The following ILKAP variants were observed in gnomAD, a reference collection of about 807,000 sequenced individuals.
ILKAP encodes ILK associated serine/threonine phosphatase.
In ILKAP, 11 loss-of-function variants were observed where a neutral mutation model predicts 49.1. The observed-to-expected ratio is 0.22, with a 90% CI of 0.14 to 0.37. The LOEUF is 0.37. Among genes scored for constraint, ILKAP ranks in the 10% least tolerant of loss-of-function variants. The probability of loss-of-function intolerance (pLI) is 1.00; values close to 1 mark genes in which losing one functional copy is unlikely to be tolerated. For missense variants in ILKAP, 363 were observed against 510.8 expected (o/e 0.71, Z 2.79); for synonymous variants, 186 against 192.8 (o/e 0.96, Z 0.29).
chr2:238,174,600 A>C (rs1693366884), intron 9 of ILKAP, among the ~76,000 whole-genome samples: 1 of 152,176 alleles, frequency 6.6e-6, no homozygotes, highest in Admixed American at 6.5e-5. Flanking sequence ...CTGCTGTCCT[A>C]AAGGCAGAAT....
intron 1 of ILKAP, among the ~76,000 whole-genome samples, chr2:238,201,180 TG>T (rs1048032258): frequency 3.5e-4 from 21 of 60,784 alleles, no homozygotes; most frequent in African/African-American, 9.3e-4. Flanking sequence ...ATTCAAAGTA[TG>T]TTTTTTTTTT....
chr2:238,180,836 AAGG>A (rs1215015180), intron 9 of ILKAP, among the ~76,000 whole-genome samples: 1 of 152,228 alleles, frequency 6.6e-6, no homozygotes, highest in Admixed American at 6.5e-5. Context: ...AATTATTTTC[AAGG>A]AGTTCAGGCA....
At chr2:238,174,585 C>T (rs919815307) in intron 9 of ILKAP, among the ~76,000 whole-genome samples, 5 of 152,202 alleles carry the variant, frequency 3.3e-5, no homozygotes, top group African/African-American at 1.2e-4. Context: ...GAAATGCTTC[C>T]TGGGCTGCTG....
chr2:238,198,353 G>A (rs1027176488), intron 1 of ILKAP, among the ~76,000 whole-genome samples: 6 of 151,700 alleles, frequency 4.0e-5, no homozygotes, highest in East Asian at 3.9e-4. Flanking sequence ...ATCCTCCCTC[G>A]TCAGATTCCC....
At chr2:238,189,715 T>G in intron 4 of ILKAP, 138 bp downstream of exon 4, 1 of 693,996 alleles carries the variant, frequency 1.4e-6, no homozygotes, top group Non-Finnish European at 2.3e-6. Context: ...TGGAAATTCA[T>G]TTGCAAAAAG....
chr2:238,170,645 G>C lies in ILKAP; in HGVS notation c.1070C>G (p.Ser357Cys). 1 of 1,600,500 alleles carries C rather than the reference G, an allele frequency of 6.2e-7. No homozygotes were observed. Among genetic ancestry groups the C allele is most frequent in the African/African-American group, 1.3e-5 (1 of 74,804 alleles). ...TGCTTCGTAGCGGGCGTCGGCTGCG[G>C]ACTTCCCTTCCCGGGTCTGGATCTT... ...DEKIQTREGK[S>C]AADARYEAAC... Residue 357 changes from serine to cysteine, a missense_variant, in exon 12 of 12, where the codon TCC (serine) becomes TGC (cysteine). Ser to Cys is a moderately radical substitution (Grantham distance 112). Coordinates refer to ENST00000254654, the MANE Select transcript of ILKAP (RefSeq NM_030768.3).
At chr2:238,191,130 T>C (rs1051960367) in intron 3 of ILKAP, among the ~76,000 whole-genome samples, 5 of 151,778 alleles carry the variant, frequency 3.3e-5, no homozygotes, top group East Asian at 1.9e-4. Flanking sequence ...AATTTTTTAA[T>C]TTTTTTGGTA....
At chr2:238,181,009 C>G (rs1235181859) in intron 9 of ILKAP, among the ~76,000 whole-genome samples, 1 of 152,176 alleles carries the variant, frequency 6.6e-6, no homozygotes, top group African/African-American at 2.4e-5. Context: ...GGCCTGAAAC[C>G]AGGCCTATAA....
intron 1 of ILKAP, among the ~76,000 whole-genome samples, chr2:238,202,417 G>A (rs764591220): frequency 6.6e-6 from 1 of 152,016 alleles, no homozygotes; most frequent in South Asian, 2.1e-4. Flanking sequence ...GTACCCTTCA[G>A]AAAGCAGCTC....
intron 4 of ILKAP, among the ~76,000 whole-genome samples, chr2:238,189,264 G>A (rs1235673391): frequency 6.6e-6 from 1 of 151,848 alleles, no homozygotes; most frequent in Non-Finnish European, 1.5e-5. Context: ...GCAGTGAGCC[G>A]AGATGGTGCC....
Position 238,182,073 on chromosome 2 carries a change from T to A in ILKAP, c.828A>T (p.Gly276=), listed in dbSNP as rs1158003671. 1.2e-6 allele frequency: 2 copies of A among 1,613,412 alleles called. No individual in the cohort carries two copies. The highest frequency in any genetic ancestry group is 1.7e-6 in the Non-Finnish European group (2 of 1,179,556). ...EERMRIQKAG[G]NVRDGRVLGV... is the part of the protein sequence containing the mutation. ...CTCAGTCCCTTGGTTACCTGACGTT[T>A]CCTCCAGCCTTCTGTATCCTCATCC... The change falls in exon 9 of 12, where the codon GGA becomes GGT. Residue 276 remains glycine, a synonymous_variant. Transcript: ENST00000254654.
intron 9 of ILKAP, among the ~76,000 whole-genome samples, chr2:238,178,507 C>A (rs775146138): frequency 8.5e-5 from 13 of 152,146 alleles, no homozygotes; most frequent in Non-Finnish European, 1.6e-4. Context: ...AATTTTGATA[C>A]TATGAAACTG....
intron 6 of ILKAP, among the ~76,000 whole-genome samples, chr2:238,184,895 T>C (rs575847474): frequency 2.0e-5 from 3 of 152,134 alleles, no homozygotes; most frequent in Non-Finnish European, 2.9e-5. Context: ...CACAGTGCTA[T>C]TTGAAGTTGG....
intron 5 of ILKAP, chr2:238,186,097 T>C (rs764621379): frequency 6.6e-6 from 1 of 152,230 alleles, no homozygotes; most frequent in Non-Finnish European, 1.5e-5. Context: ...AATACAGTCA[T>C]GCATCACTTA....
intron 5 of ILKAP, 81 bp from the exon 6 acceptor site, chr2:238,185,368 A>T: frequency 5.6e-6 from 5 of 886,090 alleles, no homozygotes; most frequent in Non-Finnish European, 9.2e-6. Flanking sequence ...ATTTCGTCTC[A>T]AAGAGTGAAC....
At chr2:238,194,466 T>C (rs1337636833) in intron 2 of ILKAP, 135 bp from the exon 3 acceptor site, 6 of 710,500 alleles carry the variant, frequency 8.4e-6, no homozygotes, top group South Asian at 5.1e-5. Flanking sequence ...TGGCAACTCA[T>C]ACTGCAATGA....
intron 10 of ILKAP, 52 bp from the exon 11 acceptor site, chr2:238,171,076 A>T (rs371331913): frequency 4.8e-6 from 6 of 1,261,316 alleles, no homozygotes; most frequent in Non-Finnish European, 6.8e-6. Context: ...CCAAAAAATA[A>T]AAAATAAAAA....
At chr2:238,203,201 G>A (rs981497407) in intron 1 of ILKAP, among the ~76,000 whole-genome samples, 20 of 151,096 alleles carry the variant, frequency 1.3e-4, no homozygotes, top group African/African-American at 4.3e-4. Context: ...CGGCCCACGC[G>A]GTCGCGCCGG....
At chr2:238,180,328 ATAT>A (rs745602548) in intron 9 of ILKAP, among the ~76,000 whole-genome samples, 8 of 152,232 alleles carry the variant, frequency 5.3e-5, no homozygotes, top group Non-Finnish European at 1.2e-4. Context: ...ACCTAAGGAA[ATAT>A]TATTGTCTTA....
Sources: allele counts gnomAD v4.1 joint callset (sites outside exome capture counted in the v4.1 genomes callset), GRCh38; gene constraint gnomAD v4.1.1; transcripts MANE v1.5; gene names NCBI Gene and HGNC (gene_info 2026-07-23, HGNC 2026-07-21).